The following TCF4 variants were observed in gnomAD, a reference collection of about 807,000 sequenced individuals.
TCF4 encodes transcription factor 4, also known as SL3-3 enhancer factor 2.
Under a neutral mutation model 82.1 loss-of-function variants are expected in TCF4, and 3 were observed. That is an observed-to-expected ratio of 0.04 (90% CI 0.02 to 0.09). TCF4 has a LOEUF of 0.09. Ranked by LOEUF, TCF4 falls within the 10% of genes least tolerant of loss-of-function variation. The pLI is 1.00. For synonymous variants in TCF4, 276 were observed against 309.6 expected (o/e 0.89, Z 1.14); for missense variants, 518 against 852.7 (o/e 0.61, Z 4.89).
chr18:55,315,721 T>C (rs1434604839), intron 8 of TCF4, among the ~76,000 whole-genome samples: 4 of 152,180 alleles, frequency 2.6e-5, no homozygotes, highest in Admixed American at 2.0e-4. Flanking sequence ...GAATTTGAAA[T>C]GTTATAAAGC....
At chr18:55,539,979 T>A (rs556636456) in intron 3 of TCF4, among the ~76,000 whole-genome samples, 2 of 152,020 alleles carry the variant, frequency 1.3e-5, no homozygotes, top group Non-Finnish European at 2.9e-5. Context: ...ATGCTCAATA[T>A]ACGTTATTGA....
At chr18:55,494,412 T>A (rs2096610317) in intron 3 of TCF4, among the ~76,000 whole-genome samples, 1 of 152,082 alleles carries the variant, frequency 6.6e-6, no homozygotes, top group South Asian at 2.1e-4. Flanking sequence ...GAGAGTCTTT[T>A]AAGATTAGTA....
At chr18:55,581,192 G>A (rs1459734818) in intron 3 of TCF4, among the ~76,000 whole-genome samples, 1 of 152,032 alleles carries the variant, frequency 6.6e-6, no homozygotes, top group Non-Finnish European at 1.5e-5. Context: ...CCATTACGCA[G>A]TACAAAGGAC....
At chr18:55,452,745 G>C (rs1044995999) in intron 5 of TCF4, 10 of 152,294 alleles carry the variant, frequency 6.6e-5, no homozygotes, top group African/African-American at 2.4e-4. Context: ...TTGCTGCCTT[G>C]CTCAAGGGCT....
At chr18:55,430,992 G>C (rs757737663) in intron 5 of TCF4, among the ~76,000 whole-genome samples, 1 of 152,110 alleles carries the variant, frequency 6.6e-6, no homozygotes, top group African/African-American at 2.4e-5. Context: ...GAAGCAAAGG[G>C]AAAAGGAGTC....
At chr18:55,447,217 G>A (rs1157983108) in intron 5 of TCF4, among the ~76,000 whole-genome samples, 4 of 151,612 alleles carry the variant, frequency 2.6e-5, no homozygotes, top group Non-Finnish European at 5.9e-5. Flanking sequence ...GGCCAAGGAG[G>A]GAAGATCTTA....
intron 2 of TCF4, among the ~76,000 whole-genome samples, chr18:55,617,770 GC>G (rs1356947363): frequency 1.1e-4 from 16 of 149,852 alleles, no homozygotes; most frequent in African/African-American, 3.2e-4. Flanking sequence ...CTTTAATGCT[GC>G]TTTTGTATCC....
intron 8 of TCF4, among the ~76,000 whole-genome samples, chr18:55,323,122 G>A (rs1027663254): frequency 6.6e-6 from 1 of 152,064 alleles, no homozygotes; most frequent in Non-Finnish European, 1.5e-5. Context: ...CAAAAAGGCG[G>A]GGGGAGGTAC....
chr18:55,398,518 C>T, intron 6 of TCF4, among the ~76,000 whole-genome samples: 1 of 152,096 alleles, frequency 6.6e-6, no homozygotes, highest in East Asian at 1.9e-4. Flanking sequence ...GACGATTCAA[C>T]CCCCCAAAAA....
rs1208845496 is a variant in TCF4, at chr18:55,223,121, G to A, written c.*4914C>T. On this transcript the variant is annotated 3_prime_UTR_variant, in exon 20 of 20. Coordinates refer to ENST00000354452, the MANE Select transcript of TCF4 (RefSeq NM_001083962.2). ...TGACTTAGCAACCTGCAGCACAACC[G>A]AAAACACTGGTGCAGTTCAGAGCTC... 1 of 152,150 alleles carries A rather than the reference G, an allele frequency of 6.6e-6. No individual in the cohort carries two copies. Among genetic ancestry groups the A allele is most frequent in the African/African-American group, 2.4e-5 (1 of 41,432 alleles). The allele number at this position is 152,150 out of a possible 1,614,324, so 9.4% of individuals were successfully genotyped here. A position where few individuals can be genotyped will look rare whatever the true frequency, so the allele number is the denominator to read the frequency against.
intron 2 of TCF4, among the ~76,000 whole-genome samples, chr18:55,594,349 T>A (rs1345378565): frequency 6.6e-6 from 1 of 152,212 alleles, no homozygotes; most frequent in African/African-American, 2.4e-5. Context: ...ATGCATTTCC[T>A]TTTACATTGA....
At chr18:55,580,277 T>A (rs1429601267) in intron 3 of TCF4, among the ~76,000 whole-genome samples, 7 of 152,026 alleles carry the variant, frequency 4.6e-5, no homozygotes, top group Non-Finnish European at 1.0e-4. Context: ...TTGAGGGTAT[T>A]GTTCTTGAAT....
At chr18:55,558,575 C>G (rs998659077) in intron 3 of TCF4, among the ~76,000 whole-genome samples, 3 of 152,108 alleles carry the variant, frequency 2.0e-5, no homozygotes, top group Admixed American at 1.3e-4. Flanking sequence ...ATAAAATTAA[C>G]AACACTAGAG....
At chr18:55,292,672 T>G (rs1044379182) in intron 8 of TCF4, among the ~76,000 whole-genome samples, 1 of 150,090 alleles carries the variant, frequency 6.7e-6, no homozygotes, top group Non-Finnish European at 1.5e-5. Flanking sequence ...TGTTTGGAAC[T>G]TCCTAATCTA....
intron 5 of TCF4, chr18:55,403,964 T>C: frequency 7.7e-7 from 1 of 1,294,124 alleles, no homozygotes. Context: ...AGATGGTGAA[T>C]TTAGCAAAGA....
At chr18:55,303,606 C>T (rs1346558045) in intron 8 of TCF4, among the ~76,000 whole-genome samples, 1 of 151,598 alleles carries the variant, frequency 6.6e-6, no homozygotes, top group African/African-American at 2.4e-5. Context: ...GTAATAATTA[C>T]AGAAGAAGAA....
intron 3 of TCF4, among the ~76,000 whole-genome samples, chr18:55,525,157 C>G (rs1428719531): frequency 6.6e-6 from 1 of 151,826 alleles, no homozygotes; most frequent in African/African-American, 2.4e-5. Context: ...GATTTAGGTA[C>G]AGTTTTAAAT....
intron 3 of TCF4, among the ~76,000 whole-genome samples, chr18:55,516,049 A>T (rs149920913): frequency 6.9e-4 from 105 of 152,250 alleles, no homozygotes; most frequent in Non-Finnish European, 1.2e-3. Context: ...AAGTTTCCAG[A>T]AAATGGTGGT....
intron 3 of TCF4, among the ~76,000 whole-genome samples, chr18:55,568,099 C>T (rs1307665555): frequency 1.3e-5 from 2 of 149,914 alleles, no homozygotes; most frequent in Non-Finnish European, 3.0e-5. Context: ...TATTATATTG[C>T]CTTAAATTCT....
Sources: allele counts gnomAD v4.1 joint callset (sites outside exome capture counted in the v4.1 genomes callset), GRCh38; gene constraint gnomAD v4.1.1; transcripts MANE v1.5; gene names NCBI Gene and HGNC (gene_info 2026-07-23, HGNC 2026-07-21).